Variants in FYCO1 observed in about 807,000 individuals in gnomAD.
FYCO1 encodes the protein FYVE and coiled-coil domain-containing protein 1.
A neutral mutation model predicts 165.1 loss-of-function variants in FYCO1; 122 were observed. That is an observed-to-expected ratio of 0.74 (90% CI 0.64 to 0.86). The LOEUF is 0.86. Ranked by LOEUF, FYCO1 falls within the 40% of genes least tolerant of loss-of-function variation. The pLI, the probability that FYCO1 is intolerant of heterozygous loss-of-function variation, is 0.00. For missense variants in FYCO1, 1,702 were observed against 1,810.3 expected, an observed-to-expected ratio of 0.94 and a Z score of 1.09; for synonymous variants, 648 against 742.5, an observed-to-expected ratio of 0.87 and a Z score of 2.07.
chr3:45,927,836 G>A (rs1050340950), intron 16 of FYCO1, among the ~76,000 whole-genome samples: 13 of 152,342 alleles, frequency 8.5e-5, no homozygotes, highest in African/African-American at 2.6e-4. Flanking sequence ...GGACCTTGGT[G>A]TGCCCACCCT....
intron 14 of FYCO1, among the ~76,000 whole-genome samples, chr3:45,942,548 A>T (rs755788526): frequency 2.0e-5 from 3 of 152,192 alleles, no homozygotes; most frequent in Non-Finnish European, 4.4e-5. Flanking sequence ...CTCCACAAGA[A>T]GGCAGCTGCT....
chr3:45,930,995 C>T (rs1703577663), intron 16 of FYCO1, 76 bp downstream of exon 16: 4 of 1,377,602 alleles, frequency 2.9e-6, no homozygotes, highest in Non-Finnish European at 4.1e-6. Flanking sequence ...ATGGCCACTG[C>T]CCTGCTTTGA....
At chr3:45,940,098 T>C (rs913222831) in intron 14 of FYCO1, among the ~76,000 whole-genome samples, 1 of 152,242 alleles carries the variant, frequency 6.6e-6, no homozygotes, top group South Asian at 2.1e-4. Flanking sequence ...ATTATTATTA[T>C]TGTATTAACT....
At chr3:45,979,886 G>T (rs984658522) in intron 3 of FYCO1, 56 bp from the exon 4 acceptor site, 16 of 1,599,320 alleles carry the variant, frequency 1.0e-5, no homozygotes, top group Middle Eastern at 3.3e-4. Context: ...CTTCATTCCG[G>T]CATTTAAATG....
chr3:45,953,819 A>G (rs529448352), intron 14 of FYCO1, among the ~76,000 whole-genome samples: 1 of 152,248 alleles, frequency 6.6e-6, no homozygotes, highest in African/African-American at 2.4e-5. Context: ...GCCTGTCCAT[A>G]TTTTTCTTAC....
chr3:45,966,555 C>T lies in FYCO1; in HGVS notation c.2779G>A (p.Ala927Thr), dbSNP rs375281726. 6.2e-7 allele frequency: 1 copy of T among 1,614,194 alleles called. No homozygotes were observed. Among genetic ancestry groups the T allele is most frequent in the African/African-American group, 1.3e-5 (1 of 75,074 alleles). The change falls in exon 8 of 18, where the codon GCC (alanine) becomes ACC (threonine). Residue 927 changes from alanine to threonine, a missense_variant. Ala to Thr is a moderately conservative substitution (Grantham distance 58). Transcript: ENST00000296137. ...TCCTGGAGCTCCTGGACAGCACAGG[C>T]CAGTGCCTCCTCCACTCGCTCCTTT... ...VEKERVEEAL[A>T]CAVQELQDAK...
At chr3:45,934,503 C>T (rs1475482370) in intron 15 of FYCO1, among the ~76,000 whole-genome samples, 1 of 152,204 alleles carries the variant, frequency 6.6e-6, no homozygotes, top group Non-Finnish European at 1.5e-5. Context: ...ATTTCAAATG[C>T]TGAAAGAAAA....
In FYCO1 at chr3:45,956,641, T is replaced by C. The variant is rs7623913; in HGVS notation, c.3800-1248A>G. ...TGAAAAAAGGGGCCAGGGATTGTTTTTTTTTCCATCAATTCAGCCACACTC... is the reference window on the plus strand; with the variant it reads ...TGAAAAAAGGGGCCAGGGATTGTTTCTTTTTCCATCAATTCAGCCACACTC... On this transcript the variant is annotated intron_variant, in intron 13 of 17. Coordinates refer to ENST00000296137, the MANE Select transcript of FYCO1 (RefSeq NM_024513.4). Among the ~76,000 whole-genome samples the C allele has an allele frequency of 1.9e-3, 294 of 152,260 alleles. 1 individual carries two copies. Among genetic ancestry groups the C allele is most frequent in the African/African-American group, 6.9e-3 (286 of 41,538 alleles).
intron 14 of FYCO1, chr3:45,944,980 C>T (rs1704492461): frequency 6.6e-6 from 1 of 152,172 alleles, no homozygotes; most frequent in Non-Finnish European, 1.5e-5. Context: ...GCTGACCTAT[C>T]ACCCTTAGAG....
chr3:45,950,932 C>T (rs987004967), intron 14 of FYCO1, among the ~76,000 whole-genome samples: 1 of 152,180 alleles, frequency 6.6e-6, no homozygotes, highest in Non-Finnish European at 1.5e-5. Flanking sequence ...TTCTGAGATA[C>T]CAAACATCAA....
At chr3:45,926,392 A>G (rs1455718108) in intron 16 of FYCO1, among the ~76,000 whole-genome samples, 2 of 152,272 alleles carry the variant, frequency 1.3e-5, no homozygotes, top group African/African-American at 4.8e-5. Flanking sequence ...CACAGCTTTT[A>G]TATCAAAGAA....
chr3:45,991,896 G>T (rs1707578204), intron 1 of FYCO1, among the ~76,000 whole-genome samples: 1 of 152,174 alleles, frequency 6.6e-6, no homozygotes, highest in African/African-American at 2.4e-5. Context: ...CCATGAGAGT[G>T]GGCCCAAATC....
At position 45,964,647 on chromosome 3, in the gene FYCO1, T is replaced by A; in HGVS notation, c.3151-193A>T. On this transcript the variant is annotated intron_variant, in intron 9 of 17. Transcript: ENST00000296137. This position sits in a 1 kb window ranked among gnomAD's most constrained non-coding sequence, Gnocchi z 4.1. ...CCTCAACTGCAACTAGTTGTGGTGGTTGGCAAGTGGCAGGTACCAGAATTC... is the reference window on the plus strand; with the variant it reads ...CCTCAACTGCAACTAGTTGTGGTGGATGGCAAGTGGCAGGTACCAGAATTC... 1.4e-6 allele frequency: 1 copy of A among 722,056 alleles called. No individual in the cohort carries two copies. The highest frequency in any genetic ancestry group is 1.7e-6 in the Non-Finnish European group (1 of 589,562). The allele number at this position is 722,056 out of a possible 1,614,324, so 44.7% of individuals were successfully genotyped here.
intron 5 of FYCO1, among the ~76,000 whole-genome samples, chr3:45,973,904 A>T (rs1488747985): frequency 6.6e-6 from 1 of 152,078 alleles, no homozygotes; most frequent in Non-Finnish European, 1.5e-5. Flanking sequence ...CCAAAAAAAC[A>T]CAAAAAATTA....
intron 17 of FYCO1, among the ~76,000 whole-genome samples, chr3:45,923,134 C>T (rs963813044): frequency 6.6e-6 from 1 of 152,230 alleles, no homozygotes; most frequent in Non-Finnish European, 1.5e-5. Flanking sequence ...AGAGTGCTTC[C>T]CAGAGATGGC....
chr3:45,946,526 C>T, intron 14 of FYCO1: 1 of 1,614,190 alleles, frequency 6.2e-7, no homozygotes, highest in Non-Finnish European at 8.5e-7. Context: ...TCAGCAGTTT[C>T]AATGACAGCA....
intron 13 of FYCO1, among the ~76,000 whole-genome samples, chr3:45,956,884 G>C (rs1705361046): frequency 1.3e-5 from 2 of 152,106 alleles, no homozygotes; most frequent in African/African-American, 2.4e-5. Flanking sequence ...TGTAGAAATT[G>C]ACAAACTGAT....
chr3:45,967,375 T>A lies in FYCO1; in HGVS notation c.1959A>T (p.Glu653Asp). The A allele has an allele frequency of 6.2e-7, 1 of 1,610,452 alleles. No homozygotes were observed. Among genetic ancestry groups the A allele is most frequent in the Non-Finnish European group, 8.5e-7 (1 of 1,177,686 alleles). Residue 653 changes from glutamate (E) to aspartate (D), a missense_variant, in exon 8 of 18, where the codon GAA becomes GAT. Glu to Asp is a conservative substitution (Grantham distance 45). Transcript: ENST00000296137. The part of the protein sequence containing the change: ...QADYQALQQR[E>D]SAIQGSLASL... ...AGGCCAAGGAGCCCTGGATGGCTGA[T>A]TCCCGCTGCTGCAAAGCCTGGTAAT...
chr3:45,958,464 T>C lies in FYCO1; in HGVS notation c.3743A>G (p.Glu1248Gly). 3 of 1,613,394 alleles carry C rather than the reference T, an allele frequency of 1.9e-6. No individual in the cohort carries two copies. The highest frequency in any genetic ancestry group is 2.5e-6 in the Non-Finnish European group (3 of 1,180,024). The change falls in exon 13 of 18, where the codon GAG becomes GGG. Residue 1248 changes from glutamate (E) to glycine (G), a missense_variant. Coordinates refer to ENST00000296137, the MANE Select transcript of FYCO1 (RefSeq NM_024513.4). ...DSSGSGTSQG[E>G]PSPALSPASP... ...GGCTGGTGACAGTGCAGGGCTGGGC[T>C]CTCCCTGGCTAGTGCCTGAGCCACT...
Sources: gnomAD v4.1 joint callset for allele counts (sites outside exome capture counted in the v4.1 genomes callset) on GRCh38, gnomAD v4.1.1 for gene constraint, Gnocchi (gnomAD v3.1) non-coding constraint, MANE v1.5 for transcripts, NCBI Gene and HGNC (gene_info 2026-07-23, HGNC 2026-07-21) for gene names.